The following STT3A variants were observed in gnomAD, a reference collection of about 807,000 sequenced individuals.
STT3A encodes the protein dolichyl-diphosphooligosaccharide--protein glycosyltransferase subunit STT3A.
A neutral mutation model predicts 89.2 loss-of-function variants in STT3A; 34 were observed. The ratio of observed to expected loss-of-function variants is 0.38; its 90% CI spans 0.29 to 0.51. The LOEUF (loss-of-function observed/expected upper bound fraction) is 0.51, where lower values mean the gene tolerates loss of function less well. Ranked by LOEUF, STT3A falls within the 20% of genes least tolerant of loss-of-function variation. The pLI is 0.89. For missense variants in STT3A, 555 were observed against 889.5 expected (o/e 0.62, Z 4.78); for synonymous variants, 282 against 310.3 (o/e 0.91, Z 0.96).
intron 4 of STT3A, 131 bp from the exon 5 acceptor site, chr11:125,602,672 G>T (rs73629968): frequency 7.8e-7 from 1 of 1,280,002 alleles, no homozygotes; most frequent in Admixed American, 2.2e-5. Context: ...GCTTACTGCA[G>T]TTGCTATGTT....
chr11:125,615,818 C>G (rs565540358), intron 15 of STT3A, among the ~76,000 whole-genome samples: 1 of 152,150 alleles, frequency 6.6e-6, no homozygotes, highest in Non-Finnish European at 1.5e-5. Flanking sequence ...TGGGAAGACT[C>G]TTGAGGTCAG....
At chr11:125,595,174 T>C (rs1385144694) in intron 1 of STT3A, among the ~76,000 whole-genome samples, 1 of 151,982 alleles carries the variant, frequency 6.6e-6, no homozygotes, top group Non-Finnish European at 1.5e-5. Flanking sequence ...CTTTTTTTTT[T>C]TTTTTCCTTT....
Position 125,620,831 on chromosome 11 carries a change from A to G in STT3A, c.*21A>G. The G allele has an allele frequency of 1.3e-6, 2 of 1,592,874 alleles. No homozygotes were observed. The highest frequency in any genetic ancestry group is 1.7e-6 in the Non-Finnish European group (2 of 1,162,234). On this transcript the variant is annotated 3_prime_UTR_variant, in exon 18 of 18. Coordinates refer to ENST00000392708, the MANE Select transcript of STT3A (RefSeq NM_152713.5). The stretch of plus-strand genomic sequence containing the variant: ...CATAAATGTCACGTCCAGCTCTGAT[A>G]TGCTTCGCACTGAGCACATCACATT...
intron 1 of STT3A, chr11:125,593,466 T>C (rs1939380369): frequency 6.6e-6 from 1 of 152,176 alleles, no homozygotes; most frequent in Admixed American, 6.5e-5. Context: ...TTTGCTCTTA[T>C]TTGCTTGGCG....
At chr11:125,612,411 T>G (rs963069077) in intron 11 of STT3A, among the ~76,000 whole-genome samples, 181 bp from the exon 12 acceptor site, 2 of 152,226 alleles carry the variant, frequency 1.3e-5, no homozygotes, top group Non-Finnish European at 2.9e-5. Flanking sequence ...TGCATATAAT[T>G]GAAACAAAGT....
At chr11:125,608,578 G>A (rs372406139) in intron 9 of STT3A, among the ~76,000 whole-genome samples, 1 of 152,138 alleles carries the variant, frequency 6.6e-6, no homozygotes, top group African/African-American at 2.4e-5. Context: ...CGCCCGCCTC[G>A]GCCTCCCAAA....
Position 125,613,290 on chromosome 11 carries a change from C to A in STT3A, c.1554+113C>A. On this transcript the variant is annotated intron_variant, in intron 13 of 17. Coordinates refer to ENST00000392708, the MANE Select transcript of STT3A (RefSeq NM_152713.5). This position sits in a 1 kb window ranked among gnomAD's most constrained non-coding sequence, Gnocchi z 4.2. ...GGTGGAAAGCTGGGTGAAACTGGAA[C>A]TTTGCAACTCTAGTCTTGAATGAGC... 1 of 1,134,278 alleles carries A rather than the reference C, an allele frequency of 8.8e-7. No individual in the cohort carries two copies. Among genetic ancestry groups the A allele is most frequent in the Non-Finnish European group, 1.3e-6 (1 of 798,530 alleles). The allele number at this position is 1,134,278 out of a possible 1,614,324, so 70.3% of individuals were successfully genotyped here. A position where few individuals can be genotyped will look rare whatever the true frequency, so the allele number is the denominator to read the frequency against.
chr11:125,597,176 G>T, intron 3 of STT3A, 57 bp downstream of exon 3: 1 of 1,581,764 alleles, frequency 6.3e-7, no homozygotes, highest in Non-Finnish European at 8.7e-7. Flanking sequence ...CAGGTTCATG[G>T]GTTTCAGATT....
At chr11:125,592,435 A>G (rs1029857909), upstream of STT3A, 2 of 456,106 alleles carry the variant, frequency 4.4e-6, no homozygotes, top group Non-Finnish European at 8.8e-6. Context: ...AAGACGGGAG[A>G]CGAGCGGCTC....
chr11:125,618,991 C>A (rs1440404232), intron 16 of STT3A, among the ~76,000 whole-genome samples: 3 of 151,982 alleles, frequency 2.0e-5, no homozygotes, highest in African/African-American at 7.3e-5. Context: ...GTCATGGCCT[C>A]CTGAAGTACT....
chr11:125,595,760 G>A, intron 1 of STT3A, 121 bp from the exon 2 acceptor site: 2 of 610,156 alleles, frequency 3.3e-6, no homozygotes, highest in Non-Finnish European at 5.9e-6. Context: ...TATTAGCCTT[G>A]ACCCTGTCTG....
chr11:125,620,869 GATTTT>G lies in STT3A; in HGVS notation c.*60_*64del. 1.8e-5 allele frequency: 15 copies of G among 841,874 alleles called. No homozygotes were observed. Among genetic ancestry groups the G allele is most frequent in the Non-Finnish European group, 2.2e-5 (13 of 590,116 alleles). The allele number at this position is 841,874 out of a possible 1,614,324, so 52.2% of individuals were successfully genotyped here. On this transcript the variant is annotated 3_prime_UTR_variant, in exon 18 of 18. Transcript: ENST00000392708. ...AGCACATCACATTTAGGACGTTGAA[GATTTT>G]TTTTTTTTTTTTTTTTTAATATGCA...
intron 10 of STT3A, 91 bp downstream of exon 10, chr11:125,609,680 T>C: frequency 6.6e-7 from 1 of 1,511,300 alleles, no homozygotes; most frequent in Non-Finnish European, 8.9e-7. Flanking sequence ...TGTTTTGTTT[T>C]TCTTTGCCTG....
chr11:125,601,868 G>A (rs1042514300), intron 3 of STT3A, among the ~76,000 whole-genome samples: 7 of 151,616 alleles, frequency 4.6e-5, no homozygotes, highest in Admixed American at 2.6e-4. Flanking sequence ...TGGCAATCTC[G>A]GCTCACTGTA....
chr11:125,614,489 C>A lies in STT3A; in HGVS notation c.1774+63C>A. On this transcript the variant is annotated intron_variant, in intron 15 of 17. Transcript: ENST00000392708. This position sits in a 1 kb window ranked among gnomAD's most constrained non-coding sequence, Gnocchi z 4.9. ...GATTCTAAGAAAACTAGATGAATAT[C>A]CTAGTTTTCTGTACTTTTACTAATA... 2 of 1,436,480 alleles carry A rather than the reference C, an allele frequency of 1.4e-6. No individual in the cohort carries two copies. Among genetic ancestry groups the A allele is most frequent in the Non-Finnish European group, 1.9e-6 (2 of 1,034,106 alleles). The allele number at this position is 1,436,480 out of a possible 1,614,324, so 89.0% of individuals were successfully genotyped here.
intron 11 of STT3A, among the ~76,000 whole-genome samples, 195 bp downstream of exon 11, chr11:125,611,714 T>C (rs1344550743): frequency 1.3e-5 from 2 of 152,170 alleles, no homozygotes; most frequent in African/African-American, 2.4e-5. Flanking sequence ...GGGGTCCAAC[T>C]TTCTTGGATT....
rs576205252 is a variant in STT3A at position 125,613,160 on chromosome 11, C to G, written c.1537C>G (p.Arg513Gly). ...CTTCCGAGAAGCATATTATTGGCTT[C>G]GTCATAATACTCCAGAGGTGAAGAT... The part of the protein sequence containing the change: ...DDFREAYYWL[R>G]HNTPEDAKVM... The change falls in exon 13 of 18, where the codon CGT (arginine) becomes GGT (glycine). Residue 513 changes from arginine to glycine, a missense_variant. By Grantham distance (125) the Arg-to-Gly change is moderately radical (BLOSUM62 -2). Coordinates refer to ENST00000392708, the MANE Select transcript of STT3A (RefSeq NM_152713.5). This position sits in a 1 kb window ranked among gnomAD's most constrained non-coding sequence, Gnocchi z 4.2. 1.2e-6 allele frequency: 2 copies of G among 1,612,962 alleles called. No individual in the cohort carries two copies. The highest frequency in any genetic ancestry group is 1.7e-6 in the Non-Finnish European group (2 of 1,179,734).
intron 3 of STT3A, among the ~76,000 whole-genome samples, chr11:125,600,907 C>T (rs542548928): frequency 3.3e-5 from 5 of 152,230 alleles, no homozygotes; most frequent in Admixed American, 1.3e-4. Flanking sequence ...CCACTTCAAC[C>T]TCCTGAGTGG....
At position 125,620,869 on chromosome 11, in the gene STT3A, GATTT is replaced by G; in HGVS notation, c.*60_*63del. The G allele has an allele frequency of 5.9e-5, 50 of 841,812 alleles. No homozygotes were observed. Among genetic ancestry groups the G allele is most frequent in the Admixed American group, 1.3e-4 (4 of 29,974 alleles). The allele number at this position is 841,812 out of a possible 1,614,324, so 52.1% of individuals were successfully genotyped here. ...AGCACATCACATTTAGGACGTTGAA[GATTT>G]TTTTTTTTTTTTTTTTTTAATATGC... is the stretch of plus-strand genomic sequence containing the variant. On this transcript the variant is annotated 3_prime_UTR_variant, in exon 18 of 18. Transcript: ENST00000392708.
Sources: gnomAD v4.1 joint callset for allele counts (sites outside exome capture counted in the v4.1 genomes callset) on GRCh38, gnomAD v4.1.1 for gene constraint, Gnocchi (gnomAD v3.1) non-coding constraint, MANE v1.5 for transcripts, NCBI Gene and HGNC (gene_info 2026-07-23, HGNC 2026-07-21) for gene names.